The following SHISA9 variants were observed in gnomAD, a reference collection of about 807,000 sequenced individuals.
SHISA9 encodes the protein protein shisa-9.
A neutral mutation model predicts 38.0 loss-of-function variants in SHISA9; 13 were observed. That is an observed-to-expected ratio of 0.34 (90% CI 0.22 to 0.54). The LOEUF is 0.54. SHISA9 is among the 20% of genes least tolerant of loss of function. The probability of loss-of-function intolerance (pLI) is 0.91; values close to 1 mark genes in which losing one functional copy is unlikely to be tolerated. For synonymous variants in SHISA9, 275 were observed against 242.0 expected, an observed-to-expected ratio of 1.14 and a Z score of -1.27; for missense variants, 538 against 575.8, an observed-to-expected ratio of 0.93 and a Z score of 0.67.
intron 2 of SHISA9, among the ~76,000 whole-genome samples, chr16:13,185,138 A>T (rs1183781897): frequency 2.6e-5 from 4 of 152,194 alleles, no homozygotes; most frequent in African/African-American, 4.8e-5. Flanking sequence ...TGGTATTCTT[A>T]CAGATATATA....
At chr16:13,179,763 G>A (rs961790996) in intron 2 of SHISA9, among the ~76,000 whole-genome samples, 1 of 152,234 alleles carries the variant, frequency 6.6e-6, no homozygotes, top group Non-Finnish European at 1.5e-5. Flanking sequence ...GAAAATTAAA[G>A]GATGAGATGG....
chr16:13,350,735 A>T, the SHISA9 span: 1 of 152,164 alleles, frequency 6.6e-6, no homozygotes, highest in East Asian at 1.9e-4. Context: ...TGCTTTTTTC[A>T]AAGTATTTTT....
At chr16:13,206,025 A>G (rs1167292785) in intron 3 of SHISA9, among the ~76,000 whole-genome samples, 1 of 151,620 alleles carries the variant, frequency 6.6e-6, no homozygotes, top group East Asian at 1.9e-4. Flanking sequence ...TTGGCCTCCC[A>G]AAGTGCTGAG....
chr16:13,409,026 C>A, the SHISA9 span, among the ~76,000 whole-genome samples: 1 of 152,172 alleles, frequency 6.6e-6, no homozygotes, highest in Non-Finnish European at 1.5e-5. Flanking sequence ...CCCGTATAAA[C>A]CCTGAACCCC....
chr16:13,029,538 G>A (rs1224204741), intron 2 of SHISA9, among the ~76,000 whole-genome samples: 1 of 152,232 alleles, frequency 6.6e-6, no homozygotes, highest in Non-Finnish European at 1.5e-5. Flanking sequence ...GGGCCAGGAG[G>A]TCAAAGCTGC....
At chr16:13,152,730 A>G (rs2050510404) in intron 2 of SHISA9, among the ~76,000 whole-genome samples, 4 of 152,208 alleles carry the variant, frequency 2.6e-5, no homozygotes, top group African/African-American at 7.2e-5. Context: ...TGATGAATTG[A>G]TGAAGACTCT....
the SHISA9 span, among the ~76,000 whole-genome samples, chr16:13,380,323 A>T: frequency 1.3e-5 from 2 of 152,232 alleles, no homozygotes; most frequent in East Asian, 3.8e-4. Flanking sequence ...AGGATGTATC[A>T]TCATCACATT....
chr16:13,150,552 C>T (rs2050490309), intron 2 of SHISA9, among the ~76,000 whole-genome samples: 1 of 152,162 alleles, frequency 6.6e-6, no homozygotes, highest in South Asian at 2.1e-4. Flanking sequence ...AGCTTTGCTA[C>T]CCAGAGTTTA....
At chr16:13,231,425 A>C (rs371206146) in intron 4 of SHISA9, among the ~76,000 whole-genome samples, 1 of 152,218 alleles carries the variant, frequency 6.6e-6, no homozygotes, top group East Asian at 1.9e-4. Context: ...TTCCTCCAAA[A>C]GGCAGGAAGA....
intron 2 of SHISA9, among the ~76,000 whole-genome samples, chr16:13,139,652 T>G (rs1287132995): frequency 6.6e-6 from 1 of 152,022 alleles, no homozygotes; most frequent in Admixed American, 6.6e-5. Flanking sequence ...GCATTCCCTG[T>G]CTTGGAAACA....
At chr16:12,966,180 C>G (rs935110344) in intron 2 of SHISA9, among the ~76,000 whole-genome samples, 2 of 152,210 alleles carry the variant, frequency 1.3e-5, no homozygotes, top group African/African-American at 4.8e-5. Flanking sequence ...TTGGGCACCA[C>G]TGGCTGAAAC....
At chr16:13,546,941 C>T in the SHISA9 span, among the ~76,000 whole-genome samples, 1 of 152,208 alleles carries the variant, frequency 6.6e-6, no homozygotes, top group Non-Finnish European at 1.5e-5. Flanking sequence ...CTCCAATTTC[C>T]TGCTGTGCTA....
At position 13,071,936 on chromosome 16, in the gene SHISA9, G is replaced by A. The variant is rs576968586; in HGVS notation, c.692-131458G>A. On this transcript the variant is annotated intron_variant, in intron 2 of 4. Coordinates refer to ENST00000558583, the MANE Select transcript of SHISA9 (RefSeq NM_001145204.3). ...GCTGGAATTATAGGTGTGACCCACC[G>A]TGGCTGGCCAAACCCCAGGCTTTCT... 8.5e-5 allele frequency among the ~76,000 whole-genome samples: 13 copies of A among 152,172 alleles called. No homozygotes were observed. The East Asian group carries it at 1.4e-3, about 16-fold the overall frequency.
the SHISA9 span, among the ~76,000 whole-genome samples, chr16:13,518,523 G>C: frequency 3.8e-4 from 58 of 152,158 alleles, no homozygotes; most frequent in East Asian, 2.7e-3. Context: ...TCATCCCAGA[G>C]AGTTTGATTA....
intron 2 of SHISA9, among the ~76,000 whole-genome samples, chr16:13,122,996 G>A (rs541112621): frequency 3.3e-5 from 5 of 152,038 alleles, no homozygotes; most frequent in South Asian, 2.1e-4. Flanking sequence ...GCAGTGAGCC[G>A]AGATTGTGCC....
chr16:13,273,598 C>T, the SHISA9 span, among the ~76,000 whole-genome samples: 2 of 152,174 alleles, frequency 1.3e-5, no homozygotes, highest in African/African-American at 4.8e-5. Flanking sequence ...TTAAACCTCT[C>T]TTTCTTTTGA....
chr16:12,995,431 A>T (rs2072446176), intron 2 of SHISA9, among the ~76,000 whole-genome samples: 1 of 152,198 alleles, frequency 6.6e-6, no homozygotes, highest in Non-Finnish European at 1.5e-5. Flanking sequence ...CTGACTCAAT[A>T]GGCATCTGGT....
the SHISA9 span, among the ~76,000 whole-genome samples, chr16:13,394,928 G>GGTGTGTGTGT: frequency 2.2e-3 from 309 of 139,496 alleles, 1 homozygote; most frequent in Middle Eastern, 3.6e-3. Context: ...CAGTATCTGG[G>GGTGTGTGTGT]GTGTGTGTGT....
At chr16:13,557,848 C>T in the SHISA9 span, among the ~76,000 whole-genome samples, 6 of 152,104 alleles carry the variant, frequency 3.9e-5, no homozygotes, top group African/African-American at 1.4e-4. Flanking sequence ...CACTCCTCTC[C>T]AGCCACCGCA....
Sources: allele counts gnomAD v4.1 joint callset (sites outside exome capture counted in the v4.1 genomes callset), GRCh38; gene constraint gnomAD v4.1.1; transcripts MANE v1.5; gene names NCBI Gene and HGNC (gene_info 2026-07-23, HGNC 2026-07-21).